The following KCNH1 variants were observed in gnomAD, a reference collection of about 807,000 sequenced individuals.
KCNH1 encodes voltage-gated delayed rectifier potassium channel KCNH1.
In KCNH1, 27 loss-of-function variants were observed where a neutral mutation model predicts 69.2. The ratio of observed to expected loss-of-function variants is 0.39; its 90% CI spans 0.29 to 0.54. The LOEUF is 0.54. Ranked by LOEUF, KCNH1 falls within the 20% of genes least tolerant of loss-of-function variation. The probability of loss-of-function intolerance (pLI) is 0.68; values close to 1 mark genes in which losing one functional copy is unlikely to be tolerated. For synonymous variants in KCNH1, 456 were observed against 487.7 expected (o/e 0.93, Z 0.86); for missense variants, 798 against 1,261.6 (o/e 0.63, Z 5.57).
At chr1:210,925,988 C>T (rs1029812414) in intron 6 of KCNH1, among the ~76,000 whole-genome samples, 1 of 152,184 alleles carries the variant, frequency 6.6e-6, no homozygotes, top group African/African-American at 2.4e-5. Flanking sequence ...AATGAAAACA[C>T]AACCTCACAC....
intron 7 of KCNH1, among the ~76,000 whole-genome samples, chr1:210,823,983 T>C (rs763085584): frequency 6.7e-6 from 1 of 148,696 alleles, no homozygotes; most frequent in Non-Finnish European, 1.5e-5. Flanking sequence ...GTTGTTGTTG[T>C]AGAGACAAGG....
intron 7 of KCNH1, among the ~76,000 whole-genome samples, chr1:210,884,529 G>A (rs1686562776): frequency 6.6e-6 from 1 of 152,150 alleles, no homozygotes; most frequent in Admixed American, 6.5e-5. Flanking sequence ...ATGGAGCTAG[G>A]CCCTCAAACT....
intron 6 of KCNH1, among the ~76,000 whole-genome samples, chr1:210,999,877 C>T (rs59797977): frequency 0.092 from 14,013 of 152,224 alleles, 1,845 homozygotes; most frequent in African/African-American, 0.29. Context: ...AACCAATAAA[C>T]ATAATCCAGC....
chr1:210,911,095 T>C (rs1052970319), intron 7 of KCNH1, among the ~76,000 whole-genome samples: 1 of 152,210 alleles, frequency 6.6e-6, no homozygotes, highest in African/African-American at 2.4e-5. Context: ...GAGCCCACTG[T>C]GGACCATGGA....
At chr1:210,959,078 G>A (rs1374805494) in intron 6 of KCNH1, among the ~76,000 whole-genome samples, 1 of 152,208 alleles carries the variant, frequency 6.6e-6, no homozygotes. Flanking sequence ...TGATGTTGGT[G>A]ACCAATAAAT....
At chr1:211,086,703 T>C (rs1690958945) in intron 4 of KCNH1, among the ~76,000 whole-genome samples, 1 of 152,162 alleles carries the variant, frequency 6.6e-6, no homozygotes, top group South Asian at 2.1e-4. Flanking sequence ...GAGCCACCAA[T>C]GAGCCTGAAT....
chr1:211,082,869 C>T lies in KCNH1; in HGVS notation c.469G>A (p.Ala157Thr), dbSNP rs1690883136. Reference protein sequence around the residue: ...GWGKFARLTRALTSSRGVLQQ... With the variant: ...GWGKFARLTRTLTSSRGVLQQ... The stretch of plus-strand genomic sequence containing the variant: ...AGGACACCCCTGCTGCTTGTCAGTG[C>T]TCTTGTCAGCCGAGCAAACTTCCCC... The change falls in exon 5 of 11, where the codon GCA (alanine) becomes ACA (threonine). Residue 157 changes from alanine to threonine, a missense_variant. Coordinates refer to ENST00000271751, the MANE Select transcript of KCNH1 (RefSeq NM_172362.3). 6.2e-7 allele frequency: 1 copy of T among 1,613,950 alleles called. No individual in the cohort carries two copies. Among genetic ancestry groups the T allele is most frequent in the Admixed American group, 1.7e-5 (1 of 59,982 alleles).
intron 5 of KCNH1, among the ~76,000 whole-genome samples, chr1:211,041,083 G>T (rs1324958377): frequency 6.6e-6 from 1 of 152,100 alleles, no homozygotes. Context: ...CAGCTCTTTT[G>T]CTATTTCCCT....
At chr1:211,072,767 T>G (rs569780765) in intron 5 of KCNH1, among the ~76,000 whole-genome samples, 5 of 151,834 alleles carry the variant, frequency 3.3e-5, no homozygotes, top group South Asian at 4.2e-4. Context: ...TTGAATCACA[T>G]AAAATGCTCA....
At chr1:211,067,779 A>G (rs1024689118) in intron 5 of KCNH1, among the ~76,000 whole-genome samples, 1 of 152,194 alleles carries the variant, frequency 6.6e-6, no homozygotes, top group African/African-American at 2.4e-5. Flanking sequence ...TCCAGAAGGA[A>G]TTGCCCCAAA....
chr1:211,045,394 C>G (rs889750795), intron 5 of KCNH1, among the ~76,000 whole-genome samples: 2 of 151,810 alleles, frequency 1.3e-5, no homozygotes, highest in Non-Finnish European at 2.9e-5. Flanking sequence ...CAAACACCAC[C>G]TGTTCCCCAA....
intron 7 of KCNH1, among the ~76,000 whole-genome samples, chr1:210,848,027 T>C (rs1685599289): frequency 6.6e-6 from 1 of 152,118 alleles, no homozygotes; most frequent in Admixed American, 6.5e-5. Flanking sequence ...CTTAAGTGTG[T>C]TGAAAGTTGA....
chr1:210,742,082 G>A (rs1683045512), intron 10 of KCNH1, among the ~76,000 whole-genome samples: 1 of 152,232 alleles, frequency 6.6e-6, no homozygotes, highest in African/African-American at 2.4e-5. Flanking sequence ...AGAGGAGACA[G>A]TGCTGCCTAA....
chr1:210,849,959 G>T (rs1463622249), intron 7 of KCNH1, among the ~76,000 whole-genome samples: 2 of 151,540 alleles, frequency 1.3e-5, no homozygotes, highest in Non-Finnish European at 2.9e-5. Context: ...TAAAAATAAA[G>T]ATATAATTGA....
At position 210,820,165 on chromosome 1, in the gene KCNH1, G is replaced by C. The variant is rs1684900698; in HGVS notation, c.1463-15999C>G. ...TAGATAACTCATACAGAAATGTTAT[G>C]TCTGTTTCAACTTAAACATCAGCAT... On this transcript the variant is annotated intron_variant, in intron 7 of 10. Transcript: ENST00000271751. Among the ~76,000 whole-genome samples the C allele has an allele frequency of 2.0e-5, 3 of 152,234 alleles. No homozygotes were observed. The South Asian group carries it at 6.2e-4, about 31-fold the overall frequency.
chr1:210,859,266 T>C (rs1685922266), intron 7 of KCNH1: 3 of 1,607,140 alleles, frequency 1.9e-6, no homozygotes, highest in Non-Finnish European at 2.6e-6. Context: ...TCAATCATTT[T>C]GGATTCATGA....
chr1:210,945,150 G>A (rs1416071902), intron 6 of KCNH1, among the ~76,000 whole-genome samples: 2 of 152,080 alleles, frequency 1.3e-5, no homozygotes, highest in African/African-American at 2.4e-5. Flanking sequence ...TTGCTTGCCC[G>A]TTCATCTATT....
At chr1:210,929,759 AT>A (rs1401725853) in intron 6 of KCNH1, among the ~76,000 whole-genome samples, 1 of 152,206 alleles carries the variant, frequency 6.6e-6, no homozygotes, top group African/African-American at 2.4e-5. Context: ...TGATGATATA[AT>A]TGTTTACCTA....
intron 7 of KCNH1, among the ~76,000 whole-genome samples, chr1:210,900,023 G>A (rs532453702): frequency 1.8e-4 from 27 of 152,224 alleles, no homozygotes; most frequent in African/African-American, 6.3e-4. Context: ...TAGTAAATGA[G>A]TATAATTCGT....
Sources: gnomAD v4.1 joint callset for allele counts (sites outside exome capture counted in the v4.1 genomes callset) on GRCh38, gnomAD v4.1.1 for gene constraint, MANE v1.5 for transcripts, NCBI Gene and HGNC (gene_info 2026-07-23, HGNC 2026-07-21) for gene names.